The following CNTN6 variants were observed in gnomAD, a reference collection of about 807,000 sequenced individuals.
CNTN6 encodes contactin-6.
Under a neutral mutation model 122.8 loss-of-function variants are expected in CNTN6, and 137 were observed. That is an observed-to-expected ratio of 1.12 (90% CI 0.97 to 1.29). CNTN6 has a LOEUF of 1.29. CNTN6 is among the 50% of genes most tolerant of loss of function. The pLI, the probability that CNTN6 is intolerant of heterozygous loss-of-function variation, is 0.00. For synonymous variants in CNTN6, 570 were observed against 426.0 expected (o/e 1.34, Z -4.16); for missense variants, 1,634 against 1,223.4 (o/e 1.34, Z -5.01).
At chr3:1,140,491 A>C (rs2092584154) in intron 1 of CNTN6, among the ~76,000 whole-genome samples, 1 of 152,170 alleles carries the variant, frequency 6.6e-6, no homozygotes, top group Non-Finnish European at 1.5e-5. Flanking sequence ...TCTAGGCCTC[A>C]GTTTCCTCAG....
At chr3:1,387,850 G>A (rs368532983) in intron 20 of CNTN6, among the ~76,000 whole-genome samples, 7 of 142,510 alleles carry the variant, frequency 4.9e-5, no homozygotes, top group South Asian at 4.6e-4. Context: ...TGCGCTTTTC[G>A]GACCAGCTTA....
intron 2 of CNTN6, among the ~76,000 whole-genome samples, chr3:1,168,008 G>A (rs1309598856): frequency 1.3e-5 from 2 of 152,118 alleles, no homozygotes; most frequent in Non-Finnish European, 2.9e-5. Flanking sequence ...CTGGGTTCAA[G>A]CACTTCTACT....
intron 2 of CNTN6, among the ~76,000 whole-genome samples, chr3:1,187,978 T>G (rs1213095027): frequency 6.6e-6 from 1 of 152,146 alleles, no homozygotes; most frequent in East Asian, 1.9e-4. Flanking sequence ...ACCACCTTCC[T>G]TGGAGGACAA....
intron 1 of CNTN6, among the ~76,000 whole-genome samples, chr3:1,126,887 A>G (rs2092180865): frequency 6.6e-6 from 1 of 151,778 alleles, no homozygotes; most frequent in South Asian, 2.1e-4. Flanking sequence ...GAGTTAACAC[A>G]TTTCCCATTG....
intron 2 of CNTN6, among the ~76,000 whole-genome samples, chr3:1,181,044 T>C (rs1303904356): frequency 1.3e-5 from 2 of 152,304 alleles, no homozygotes; most frequent in Non-Finnish European, 2.9e-5. Flanking sequence ...GTTGTAGTCA[T>C]TTACAACTTC....
chr3:1,095,194 C>T (rs968919099), intron 1 of CNTN6, among the ~76,000 whole-genome samples: 2 of 151,838 alleles, frequency 1.3e-5, no homozygotes, highest in South Asian at 2.1e-4. Context: ...AAATATTGGC[C>T]GCGCGCGGTG....
intron 11 of CNTN6, among the ~76,000 whole-genome samples, chr3:1,332,654 C>T (rs1332872625): frequency 6.6e-6 from 1 of 151,908 alleles, no homozygotes; most frequent in Non-Finnish European, 1.5e-5. Context: ...AAGATTTCAG[C>T]CCCCACCCTG....
intron 1 of CNTN6, among the ~76,000 whole-genome samples, chr3:1,121,015 T>G (rs1381426606): frequency 6.6e-6 from 1 of 152,016 alleles, no homozygotes; most frequent in African/African-American, 2.4e-5. Flanking sequence ...TGATTTTATT[T>G]AAAATATGAA....
chr3:1,242,810 A>G (rs1049559437), intron 4 of CNTN6, among the ~76,000 whole-genome samples: 1 of 148,390 alleles, frequency 6.7e-6, no homozygotes, highest in African/African-American at 2.4e-5. Context: ...GGGGATAACT[A>G]AAAAAGAGTC....
Position 1,244,084 on chromosome 3 carries a change from C to T in CNTN6, c.358+16091C>T, listed in dbSNP as rs1263120779. Among the ~76,000 whole-genome samples, 9 of 152,048 alleles carry T rather than the reference C, an allele frequency of 5.9e-5. No individual in the cohort carries two copies. The East Asian group carries it at 7.7e-4, about 13-fold the overall frequency. Reference sequence around the variant, plus strand: ...TGTAGGATGGAGAAATCGAACGTGCCGTTTTCTGGCCATTTAGAGCCATTG... The same window carrying T: ...TGTAGGATGGAGAAATCGAACGTGCTGTTTTCTGGCCATTTAGAGCCATTG... On this transcript the variant is annotated intron_variant, in intron 4 of 22. Transcript: ENST00000446702.
chr3:1,214,709 A>G (rs1458109702), intron 2 of CNTN6, among the ~76,000 whole-genome samples: 2 of 152,092 alleles, frequency 1.3e-5, no homozygotes, highest in Non-Finnish European at 2.9e-5. Flanking sequence ...TCTGGTATAA[A>G]ATGGTACTGT....
At chr3:1,392,453 C>A (rs1224053576) in intron 20 of CNTN6, among the ~76,000 whole-genome samples, 1 of 152,084 alleles carries the variant, frequency 6.6e-6, no homozygotes, top group Non-Finnish European at 1.5e-5. Context: ...CATAAAAACC[C>A]TAAAAGAAAA....
intron 6 of CNTN6, among the ~76,000 whole-genome samples, chr3:1,296,212 C>T (rs947648868): frequency 2.0e-5 from 3 of 151,966 alleles, no homozygotes; most frequent in Non-Finnish European, 4.4e-5. Flanking sequence ...CCATATTTGC[C>T]CTTTTTTTGT....
At chr3:1,298,073 C>T (rs1696589532) in intron 7 of CNTN6, 82 bp downstream of exon 7, 4 of 942,200 alleles carry the variant, frequency 4.2e-6, no homozygotes, top group Non-Finnish European at 6.4e-6. Flanking sequence ...TCATATATTG[C>T]TCTAAGGTAA....
chr3:1,148,574 T>G (rs2092773048), intron 2 of CNTN6, among the ~76,000 whole-genome samples: 1 of 152,186 alleles, frequency 6.6e-6, no homozygotes, highest in Non-Finnish European at 1.5e-5. Context: ...AGATATATTT[T>G]CTTTTTAATT....
chr3:1,385,857 G>A lies in CNTN6; in HGVS notation c.2704+60G>A, dbSNP rs964032661. 7.1e-6 allele frequency: 10 copies of A among 1,415,504 alleles called. No homozygotes were observed. The Admixed American group carries it at 7.5e-5, about 11-fold the overall frequency. 87.7% of individuals were successfully genotyped at this position (1,415,504 alleles called of 1,614,324 possible). A position where few individuals can be genotyped will look rare whatever the true frequency, so the allele number is the denominator to read the frequency against. ...TCTGTGAAGAGCAACCTATTCCTTT[G>A]CTTGATGTTCATTTCATTCCCACAC... On this transcript the variant is annotated intron_variant, in intron 20 of 22. Coordinates refer to ENST00000446702, the MANE Select transcript of CNTN6 (RefSeq NM_001289080.2).
chr3:1,382,639 A>G (rs1193507651), intron 17 of CNTN6, among the ~76,000 whole-genome samples: 1 of 152,202 alleles, frequency 6.6e-6, no homozygotes, highest in Admixed American at 6.5e-5. Context: ...TTGAGTGTGT[A>G]TCATAAAATC....
At chr3:1,211,845 A>G (rs1268471581) in intron 2 of CNTN6, among the ~76,000 whole-genome samples, 2 of 152,208 alleles carry the variant, frequency 1.3e-5, no homozygotes, top group African/African-American at 2.4e-5. Flanking sequence ...CCAGAGCCCA[A>G]GAAGAACATA....
intron 2 of CNTN6, among the ~76,000 whole-genome samples, chr3:1,152,562 C>T (rs1025219648): frequency 2.0e-4 from 30 of 152,136 alleles, no homozygotes; most frequent in Admixed American, 2.0e-3. Flanking sequence ...CCAAGATTAA[C>T]TGATGTGATT....
Sources: allele counts gnomAD v4.1 joint callset (sites outside exome capture counted in the v4.1 genomes callset), GRCh38; gene constraint gnomAD v4.1.1; transcripts MANE v1.5; gene names NCBI Gene and HGNC (gene_info 2026-07-23, HGNC 2026-07-21).